The following CYREN variants were observed in gnomAD, a reference collection of about 807,000 sequenced individuals.
CYREN encodes the protein cell cycle regulator of non-homologous end joining.
Under a neutral mutation model 9.7 loss-of-function variants are expected in CYREN, and 7 were observed. That is an observed-to-expected ratio of 0.72 (90% CI 0.41 to 1.36). The LOEUF (loss-of-function observed/expected upper bound fraction) is 1.36. Ranked by LOEUF, CYREN falls within the 40% of genes most tolerant of loss-of-function variation. CYREN has a pLI of 0.01. For missense variants in CYREN, 215 were observed against 198.1 expected (o/e 1.09, Z -0.51); for synonymous variants, 76 against 77.9 (o/e 0.98, Z 0.13).
intron 2 of CYREN, among the ~76,000 whole-genome samples, chr7:135,096,052 T>C (rs1358248349): frequency 6.6e-6 from 1 of 151,868 alleles, no homozygotes; most frequent in African/African-American, 2.4e-5. Context: ...CTTGGGAAAC[T>C]GAGGCAGGAG....
intron 2 of CYREN, chr7:135,115,579 C>T: frequency 6.4e-7 from 1 of 1,550,846 alleles, no homozygotes; most frequent in Non-Finnish European, 8.7e-7. Context: ...AACAGCTATT[C>T]AATCCAAGAA....
chr7:135,116,678 T>C (rs1209067116), intron 2 of CYREN, among the ~76,000 whole-genome samples: 1 of 152,196 alleles, frequency 6.6e-6, no homozygotes, highest in East Asian at 1.9e-4. Flanking sequence ...GACTCCACCC[T>C]AGCAGAGGTT....
At chr7:135,127,135 T>C (rs547033644) in intron 2 of CYREN, among the ~76,000 whole-genome samples, 2 of 152,144 alleles carry the variant, frequency 1.3e-5, no homozygotes, top group Non-Finnish European at 2.9e-5. Context: ...AAAGGTCTAA[T>C]ATCCAGAATT....
At chr7:135,129,487 G>A in intron 2 of CYREN, 1 of 772,920 alleles carries the variant, frequency 1.3e-6, no homozygotes, top group Admixed American at 1.7e-5. Context: ...TGACCATGTT[G>A]TGGAACTCCC....
At chr7:135,156,763 T>A (rs1307095572) in intron 2 of CYREN, among the ~76,000 whole-genome samples, 1 of 152,222 alleles carries the variant, frequency 6.6e-6, no homozygotes, top group Non-Finnish European at 1.5e-5. Context: ...TGTGGTTCTT[T>A]GATGATTGTT....
chr7:135,152,675 G>A (rs1456398763), intron 2 of CYREN: 1 of 152,172 alleles, frequency 6.6e-6, no homozygotes, highest in African/African-American at 2.4e-5. Context: ...ACCTTCCACT[G>A]ATCAAAGAGT....
Position 135,168,959 on chromosome 7 carries a change from G to C in CYREN, c.-37C>G, listed in dbSNP as rs1830447065. On this transcript the variant is annotated 5_prime_UTR_variant, in exon 2 of 4. Coordinates refer to ENST00000393114, the MANE Select transcript of CYREN (RefSeq NM_024033.4). The stretch of plus-strand genomic sequence containing the variant: ...CTCACAAAGAAGAGTCAGGGCCCAA[G>C]CTTAATGACCTGTTTTTTAATTCAG... 6.6e-7 allele frequency: 1 copy of C among 1,517,860 alleles called. No homozygotes were observed. The allele number at this position is 1,517,860 out of a possible 1,614,324, so 94.0% of individuals were successfully genotyped here.
intron 2 of CYREN, among the ~76,000 whole-genome samples, chr7:135,096,347 G>A (rs1822693780): frequency 6.7e-6 from 1 of 148,886 alleles, no homozygotes; most frequent in African/African-American, 2.5e-5. Flanking sequence ...AGGAAAGAAA[G>A]AAAGAAAGAG....
chr7:135,139,493 T>C (rs10243216), intron 2 of CYREN, among the ~76,000 whole-genome samples: 8,252 of 152,014 alleles, frequency 0.054, 297 homozygotes, highest in Middle Eastern at 0.18. Flanking sequence ...CTTAGATGCA[T>C]AGTTTACAAA....
At chr7:135,164,619 A>G, downstream of CYREN, 2 of 1,614,120 alleles carry the variant, frequency 1.2e-6, no homozygotes, top group Non-Finnish European at 1.7e-6. Context: ...TGAGGACACC[A>G]GCACCCTACA....
chr7:135,138,349 A>C (rs1034624426), intron 2 of CYREN, among the ~76,000 whole-genome samples: 1 of 152,032 alleles, frequency 6.6e-6, no homozygotes, highest in Non-Finnish European at 1.5e-5. Context: ...GTGTATTCAG[A>C]AATTATAGCT....
downstream of CYREN, among the ~76,000 whole-genome samples, chr7:135,160,941 G>C (rs187268203): frequency 4.7e-4 from 72 of 152,306 alleles, no homozygotes; most frequent in African/African-American, 1.7e-3. Flanking sequence ...TAGGAGCTGG[G>C]GGGTGGCTGA....
chr7:135,123,828 C>T (rs533686795), intron 2 of CYREN, among the ~76,000 whole-genome samples: 2 of 152,106 alleles, frequency 1.3e-5, no homozygotes, highest in South Asian at 4.1e-4. Context: ...AAATCCTTTC[C>T]AGACAAGCAA....
intron 2 of CYREN, among the ~76,000 whole-genome samples, chr7:135,120,597 C>A (rs1385816048): frequency 6.6e-6 from 1 of 152,066 alleles, no homozygotes; most frequent in Non-Finnish European, 1.5e-5. Flanking sequence ...CCTAAGACAT[C>A]AACTATTACA....
chr7:135,107,192 C>T (rs1824862729), intron 2 of CYREN, among the ~76,000 whole-genome samples: 1 of 151,692 alleles, frequency 6.6e-6, no homozygotes, highest in Non-Finnish European at 1.5e-5. Flanking sequence ...TTTTCAATGG[C>T]TTTTTCATGT....
At chr7:135,135,458 G>GA in intron 2 of CYREN, 1 of 393,768 alleles carries the variant, frequency 2.5e-6, no homozygotes, top group South Asian at 1.2e-4. Flanking sequence ...GAAATCCAGA[G>GA]AAAATATGGA....
At chr7:135,165,018 G>A (rs372768615), downstream of CYREN, 1 of 1,556,488 alleles carries the variant, frequency 6.4e-7, no homozygotes, top group African/African-American at 1.4e-5. Flanking sequence ...GTGATTGCAA[G>A]GGTTCAGTTC....
chr7:135,114,727 C>T (rs1253198266), intron 2 of CYREN, among the ~76,000 whole-genome samples: 1 of 152,184 alleles, frequency 6.6e-6, no homozygotes, highest in Non-Finnish European at 1.5e-5. Context: ...TGAAGCCTTC[C>T]AAGAGATCTC....
chr7:135,158,560 C>T (rs1829850924), intron 2 of CYREN, among the ~76,000 whole-genome samples: 2 of 152,180 alleles, frequency 1.3e-5, no homozygotes, highest in African/African-American at 2.4e-5. Flanking sequence ...GCCTGATTTC[C>T]CTATCCTTCC....
Sources: allele counts gnomAD v4.1 joint callset (sites outside exome capture counted in the v4.1 genomes callset), GRCh38; gene constraint gnomAD v4.1.1; transcripts MANE v1.5; gene names NCBI Gene and HGNC (gene_info 2026-07-23, HGNC 2026-07-21).